Variants in ADARB2 observed in about 807,000 individuals in gnomAD.
The protein encoded by ADARB2 is adenosine deaminase RNA specific B2 (inactive).
In ADARB2, 25 loss-of-function variants were observed where a neutral mutation model predicts 62.2. The observed-to-expected ratio is 0.40, with a 90% CI of 0.29 to 0.56. The LOEUF (loss-of-function observed/expected upper bound fraction) is 0.56. ADARB2 is among the 20% of genes least tolerant of loss of function. ADARB2 has a pLI of 0.43. For missense variants in ADARB2, 1,071 were observed against 1,077.4 expected (o/e 0.99, Z 0.08); for synonymous variants, 572 against 500.8 (o/e 1.14, Z -1.90).
At chr10:1,441,237 T>C (rs1830903044) in intron 1 of ADARB2, among the ~76,000 whole-genome samples, 2 of 152,228 alleles carry the variant, frequency 1.3e-5, no homozygotes, top group African/African-American at 4.8e-5. Context: ...AGAAAAAATA[T>C]GTCTAGCAAA....
intron 4 of ADARB2, among the ~76,000 whole-genome samples, chr10:1,260,866 C>T (rs1395764978): frequency 1.4e-5 from 2 of 147,820 alleles, no homozygotes; most frequent in Non-Finnish European, 3.0e-5. Context: ...GCCAAAAGAA[C>T]AAAGCTGGAG....
chr10:1,735,156 T>C (rs1274707516), intron 1 of ADARB2, among the ~76,000 whole-genome samples: 1 of 152,204 alleles, frequency 6.6e-6, no homozygotes, highest in Non-Finnish European at 1.5e-5. Flanking sequence ...CAGAAATCAG[T>C]GTACAAAACC....
chr10:1,286,758 T>G (rs1452629477), intron 3 of ADARB2, among the ~76,000 whole-genome samples: 1 of 152,154 alleles, frequency 6.6e-6, no homozygotes, highest in African/African-American at 2.4e-5. Flanking sequence ...GATGTACGCC[T>G]GCAGCATCCT....
intron 1 of ADARB2, among the ~76,000 whole-genome samples, chr10:1,674,129 C>T (rs1281928235): frequency 5.9e-5 from 9 of 152,232 alleles, no homozygotes; most frequent in South Asian, 2.1e-4. Context: ...CCCCGTCGGC[C>T]GGGGGCCCAG....
chr10:1,402,930 C>T (rs1057233776), intron 1 of ADARB2, among the ~76,000 whole-genome samples: 2 of 152,258 alleles, frequency 1.3e-5, no homozygotes, highest in African/African-American at 2.4e-5. Context: ...TGGGCCGGCT[C>T]CTGCCCCACG....
chr10:1,591,307 G>A (rs34402069), intron 1 of ADARB2, among the ~76,000 whole-genome samples: 398 of 152,298 alleles, frequency 2.6e-3, no homozygotes, highest in Non-Finnish European at 4.4e-3. Context: ...CCGCGAGGGC[G>A]TGCCATCCCC....
chr10:1,508,728 A>G (rs1831883690), intron 1 of ADARB2, among the ~76,000 whole-genome samples: 1 of 152,212 alleles, frequency 6.6e-6, no homozygotes, highest in Non-Finnish European at 1.5e-5. Context: ...GCAGTGAGAT[A>G]GCTGAGATCA....
intron 7 of ADARB2, among the ~76,000 whole-genome samples, chr10:1,206,657 A>G (rs10751795): frequency 0.91 from 138,101 of 152,230 alleles, 64,177 homozygotes; most frequent in East Asian, 1. Flanking sequence ...GATGGCGCCC[A>G]TGAGATGACG....
chr10:1,415,349 G>C (rs1464571970), intron 1 of ADARB2, among the ~76,000 whole-genome samples: 2 of 152,066 alleles, frequency 1.3e-5, no homozygotes. Context: ...TGGTGGGATG[G>C]ATGGGTGGAT....
At chr10:1,672,546 T>C (rs182237307) in intron 1 of ADARB2, among the ~76,000 whole-genome samples, 2,318 of 152,056 alleles carry the variant, frequency 0.015, 38 homozygotes, top group African/African-American at 0.053. Flanking sequence ...TCTGCAGGCC[T>C]CGCGCAGCTC....
At chr10:1,234,239 T>G (rs1407410976) in intron 5 of ADARB2, among the ~76,000 whole-genome samples, 1 of 152,096 alleles carries the variant, frequency 6.6e-6, no homozygotes, top group African/African-American at 2.4e-5. Context: ...TCCACCCACC[T>G]CAGTCTCCCG....
intron 1 of ADARB2, among the ~76,000 whole-genome samples, chr10:1,446,046 T>C (rs1205475390): frequency 8.8e-6 from 1 of 113,722 alleles, no homozygotes; most frequent in African/African-American, 3.0e-5. Context: ...TTTAACACTG[T>C]AGGACGAGGA....
Position 1,549,790 on chromosome 10 carries a change from C to T in ADARB2, c.101-170630G>A, listed in dbSNP as rs906179816. 9.9e-5 allele frequency among the ~76,000 whole-genome samples: 15 copies of T among 152,264 alleles called. No homozygotes were observed. The East Asian group carries it at 2.5e-3, about 26-fold the overall frequency. On this transcript the variant is annotated intron_variant, in intron 1 of 9. Transcript: ENST00000381312. The stretch of plus-strand genomic sequence containing the variant: ...CGGGACAACCCGATCCCTGTTCAAG[C>T]GTGGGAACCACCCCAGACCCTTCCT...
chr10:1,233,978 C>CTTTTTTTTTTTTTTTTTTTT lies in ADARB2; in HGVS notation c.1362-134_1362-133insAAAAAAAAAAAAAAAAAAAA, dbSNP rs1589160330. 9.2e-6 allele frequency: 4 copies of CTTTTTTTTTTTTTTTTTTTT among 433,412 alleles called. 2 individuals carry two copies. The highest frequency in any genetic ancestry group is 6.4e-6 in the Non-Finnish European group (2 of 312,792). 26.8% of individuals were successfully genotyped at this position (433,412 alleles called of 1,614,324 possible). A position where few individuals can be genotyped will look rare whatever the true frequency, so the allele number is the denominator to read the frequency against. On this transcript the variant is annotated intron_variant, in intron 5 of 9. Coordinates refer to ENST00000381312, the MANE Select transcript of ADARB2 (RefSeq NM_018702.4). The stretch of plus-strand genomic sequence containing the variant: ...CTTTATATTTTTCCTTTTTTTTTTC[C>CTTTTTTTTTTTTTTTTTTTT]TTTTTTTTTTGAGACGGAGTCTTGT...
At chr10:1,510,871 CTCTT>C (rs1037621350) in intron 1 of ADARB2, among the ~76,000 whole-genome samples, 3 of 151,744 alleles carry the variant, frequency 2.0e-5, no homozygotes, top group Admixed American at 6.6e-5. Flanking sequence ...CTGTCTCTCT[CTCTT>C]TCTTTCTTGA....
intron 1 of ADARB2, among the ~76,000 whole-genome samples, chr10:1,476,662 C>T (rs1419479064): frequency 1.3e-5 from 2 of 152,214 alleles, no homozygotes; most frequent in Non-Finnish European, 2.9e-5. Context: ...ACCGCCGTTT[C>T]CATGGCAACC....
chr10:1,573,147 G>T (rs561367964), intron 1 of ADARB2, among the ~76,000 whole-genome samples: 1 of 152,246 alleles, frequency 6.6e-6, no homozygotes, highest in Non-Finnish European at 1.5e-5. Context: ...GCTGACGTTT[G>T]TTTGGAGGCA....
chr10:1,256,461 T>C (rs1276393316), intron 4 of ADARB2, among the ~76,000 whole-genome samples: 1 of 152,216 alleles, frequency 6.6e-6, no homozygotes, highest in Non-Finnish European at 1.5e-5. Context: ...CTGTCTGGCA[T>C]GTGGGCCACT....
intron 1 of ADARB2, among the ~76,000 whole-genome samples, chr10:1,424,683 C>T (rs542193035): frequency 6.6e-6 from 1 of 152,138 alleles, no homozygotes; most frequent in East Asian, 1.9e-4. Flanking sequence ...AAGTAAAAGG[C>T]ACAGATGGGG....
Sources: allele counts gnomAD v4.1 joint callset (sites outside exome capture counted in the v4.1 genomes callset), GRCh38; gene constraint gnomAD v4.1.1; transcripts MANE v1.5; gene names NCBI Gene and HGNC (gene_info 2026-07-23, HGNC 2026-07-21).